Variants in ACACB observed in about 807,000 individuals in gnomAD.
The protein encoded by ACACB is acetyl-CoA carboxylase beta.
ACACB carries 209 observed loss-of-function variants against 278.8 expected under a neutral mutation model. That is an observed-to-expected ratio of 0.75 (90% CI 0.67 to 0.84). The LOEUF (loss-of-function observed/expected upper bound fraction) is 0.84, where lower values mean the gene tolerates loss of function less well. ACACB is among the 40% of genes least tolerant of loss of function. The pLI is 0.00. For missense variants in ACACB, 2,850 were observed against 3,269.0 expected (o/e 0.87, Z 3.13); for synonymous variants, 1,174 against 1,285.6 (o/e 0.91, Z 1.86).
At chr12:109,246,521 C>T (rs1430466953) in intron 39 of ACACB, 73 bp downstream of exon 39, 17 of 1,552,022 alleles carry the variant, frequency 1.1e-5, no homozygotes, top group East Asian at 2.3e-5. Flanking sequence ...AGTGCTAGCA[C>T]CTGCAAGAGG....
chr12:109,118,973 C>T (rs1393810999), intron 1 of ACACB, among the ~76,000 whole-genome samples: 1 of 152,126 alleles, frequency 6.6e-6, no homozygotes, highest in Non-Finnish European at 1.5e-5. Flanking sequence ...TCCAGGGATC[C>T]TTGTATCAGA....
chr12:109,179,262 A>G lies in ACACB; in HGVS notation c.1612A>G (p.Ile538Val). The stretch of plus-strand genomic sequence containing the variant: ...GATCGTTGAGGAAGCACCGGCCACC[A>G]TCGCCCCGCTGGCCATATTCGAGTT... The part of the protein sequence containing the change: ...QKIVEEAPAT[I>V]APLAIFEFME... The change falls in exon 10 of 53, where the codon ATC becomes GTC. Residue 538 changes from isoleucine to valine, a missense_variant. Coordinates refer to ENST00000338432, the MANE Select transcript of ACACB (RefSeq NM_001093.4). 3 of 1,613,860 alleles carry G rather than the reference A, an allele frequency of 1.9e-6. No homozygotes were observed. Among genetic ancestry groups the G allele is most frequent in the East Asian group, 2.2e-5 (1 of 44,888 alleles).
At chr12:109,206,359 G>T (rs1202180005) in intron 19 of ACACB, among the ~76,000 whole-genome samples, 1 of 149,096 alleles carries the variant, frequency 6.7e-6, no homozygotes. Flanking sequence ...GCTTGAACCC[G>T]GGAGGCAGAG....
intron 6 of ACACB, among the ~76,000 whole-genome samples, chr12:109,172,829 G>A (rs1490150592): frequency 2.0e-5 from 3 of 152,194 alleles, no homozygotes; most frequent in African/African-American, 7.2e-5. Flanking sequence ...TATACCCAGA[G>A]GAATTTAAAA....
At chr12:109,115,038 G>A (rs1017979014), upstream of ACACB, among the ~76,000 whole-genome samples, 2 of 152,200 alleles carry the variant, frequency 1.3e-5, no homozygotes, top group African/African-American at 4.8e-5. Context: ...TAAAGAGATA[G>A]TGTCTAGGGA....
chr12:109,196,436 T>A (rs1200482340), intron 16 of ACACB, among the ~76,000 whole-genome samples: 2 of 152,230 alleles, frequency 1.3e-5, no homozygotes, highest in African/African-American at 4.8e-5. Context: ...TTTCGTTTCA[T>A]AGATGCTGTC....
At chr12:109,201,535 G>C (rs768826743) in intron 18 of ACACB, 32 bp from the exon 19 acceptor site, 1 of 1,612,360 alleles carries the variant, frequency 6.2e-7, no homozygotes, top group Non-Finnish European at 8.5e-7. Flanking sequence ...ATCCCGGTGG[G>C]CTCTGTACTA....
Position 109,185,540 on chromosome 12 carries a change from T to C in ACACB, c.1819-39T>C, listed in dbSNP as rs371282819. Reference sequence around the variant, plus strand: ...CTGGTGTTTTGGGGCCGTGTTCTGGTAGGACTGACAGTCTGTGGGTTGGAT... The same window carrying C: ...CTGGTGTTTTGGGGCCGTGTTCTGGCAGGACTGACAGTCTGTGGGTTGGAT... On this transcript the variant is annotated intron_variant, in intron 11 of 52. Coordinates refer to ENST00000338432, the MANE Select transcript of ACACB (RefSeq NM_001093.4). The C allele has an allele frequency of 3.1e-6, 5 of 1,610,088 alleles. No individual in the cohort carries two copies. In the African/African-American group the frequency reaches 4.0e-5, roughly 13 times the overall value.
chr12:109,190,880 A>C (rs1409955878), intron 13 of ACACB, among the ~76,000 whole-genome samples: 1 of 151,396 alleles, frequency 6.6e-6, no homozygotes, highest in Non-Finnish European at 1.5e-5. Context: ...CCCGCCTCAG[A>C]CTCCCAAAGC....
chr12:109,139,283 C>T (rs1385741593), intron 1 of ACACB, 114 bp from the exon 2 acceptor site: 3 of 960,858 alleles, frequency 3.1e-6, no homozygotes, highest in Non-Finnish European at 4.6e-6. Context: ...CTCCCCTCGT[C>T]CAGTATTTCA....
At chr12:109,150,902 C>G (rs10849901) in intron 2 of ACACB, among the ~76,000 whole-genome samples, 69,463 of 151,820 alleles carry the variant, frequency 0.46, 17,478 homozygotes, top group Middle Eastern at 0.67. Flanking sequence ...GAGAAACTCT[C>G]TTTTCAAGTC....
Position 109,167,621 on chromosome 12 carries a change from G to GCATATATA in ACACB, c.787-275_787-274insCATATATA, listed in dbSNP as rs1408673157. Reference sequence around the variant, plus strand: ...CTCAAAAAAAAAAATATATGTATGTGTATATATATATATATATATATATAT... The same window carrying GCATATATA: ...CTCAAAAAAAAAAATATATGTATGTGCATATATATATATATATATATATATATATATAT... On this transcript the variant is annotated intron_variant, in intron 3 of 52. Coordinates refer to ENST00000338432, the MANE Select transcript of ACACB (RefSeq NM_001093.4). 5.9e-4 allele frequency among the ~76,000 whole-genome samples: 46 copies of GCATATATA among 77,518 alleles called. 1 individual carries two copies. Among genetic ancestry groups the GCATATATA allele is most frequent in the African/African-American group, 2.3e-3 (45 of 19,736 alleles). The allele number at this position is 77,518 out of a possible 152,430, so 50.9% of individuals were successfully genotyped here.
intron 2 of ACACB, among the ~76,000 whole-genome samples, chr12:109,165,637 CTCATATGTGAATAATGATCACAAACT>C (rs1483038469): frequency 1.3e-5 from 2 of 152,200 alleles, no homozygotes; most frequent in African/African-American, 4.8e-5. Flanking sequence ...CACTGCAGCT[CTCATATGTGAATAATGATCACAAACT>C]TCATATGTGA....
intron 1 of ACACB, among the ~76,000 whole-genome samples, chr12:109,134,755 A>T (rs928581288): frequency 6.6e-6 from 1 of 152,196 alleles, no homozygotes; most frequent in Non-Finnish European, 1.5e-5. Context: ...TTTGCCTCCC[A>T]TGGGACATTT....
At chr12:109,218,453 C>T (rs1266629583) in intron 24 of ACACB, among the ~76,000 whole-genome samples, 1 of 152,040 alleles carries the variant, frequency 6.6e-6, no homozygotes, top group Non-Finnish European at 1.5e-5. Flanking sequence ...CGAACTCCCG[C>T]GCTCAAGCAA....
intron 9 of ACACB, 150 bp from the exon 10 acceptor site, chr12:109,178,938 T>G: frequency 1.3e-6 from 1 of 779,542 alleles, no homozygotes. Flanking sequence ...ATTATGTCTG[T>G]GAGACAACAA....
At chr12:109,176,651 C>G (rs1246394044) in intron 9 of ACACB, among the ~76,000 whole-genome samples, 1 of 152,208 alleles carries the variant, frequency 6.6e-6, no homozygotes, top group Non-Finnish European at 1.5e-5. Context: ...AGAGTTCACT[C>G]TGTCACCCAG....
intron 11 of ACACB, 56 bp downstream of exon 11, chr12:109,180,143 G>A (rs2044418479): frequency 2.6e-6 from 4 of 1,565,978 alleles, no homozygotes; most frequent in Admixed American, 1.7e-5. Flanking sequence ...AGGGGTCCAT[G>A]TGCTGCTCCC....
At position 109,222,888 on chromosome 12, in the gene ACACB, C is replaced by G. The variant is rs749297152; in HGVS notation, c.3768C>G (p.His1256Gln). The part of the protein sequence containing the change: ...IFLSAIDMYG[H>Q]QFCPENLKKL... Reference sequence around the variant, plus strand: ...TGTCTGCCATTGACATGTACGGCCACCAGTTCTGCCCCGAGAACCTCAAGG... The same window carrying G: ...TGTCTGCCATTGACATGTACGGCCAGCAGTTCTGCCCCGAGAACCTCAAGG... The change falls in exon 26 of 53, where the codon CAC (histidine) becomes CAG (glutamine). Residue 1256 changes from histidine (H) to glutamine (Q), a missense_variant. Physicochemically the swap from His to Gln is conservative, Grantham distance 24. This residue lies in a region of ACACB where 2,265 missense variants were observed against 2,561.3 expected (regional missense o/e 0.88). Transcript: ENST00000338432. The G allele has an allele frequency of 2.5e-5, 41 of 1,612,466 alleles. No individual in the cohort carries two copies. The highest frequency in any genetic ancestry group is 3.4e-5 in the Non-Finnish European group (40 of 1,179,356).
Sources: gnomAD v4.1 joint callset for allele counts (sites outside exome capture counted in the v4.1 genomes callset) on GRCh38, gnomAD v4.1.1 for gene constraint, gnomAD v4.1.1 regional missense constraint, MANE v1.5 for transcripts, NCBI Gene and HGNC (gene_info 2026-07-23, HGNC 2026-07-21) for gene names.